The following PLAGL1 variants were observed in gnomAD, a reference collection of about 807,000 sequenced individuals.
PLAGL1 encodes the protein zinc finger protein PLAGL1.
In PLAGL1, 1 loss-of-function variant was observed where a neutral mutation model predicts 4.6. That is an observed-to-expected ratio of 0.22 (90% CI 0.08 to 1.03). The LOEUF is 1.03. Among genes scored for constraint, PLAGL1 ranks in the 50% least tolerant of loss-of-function variants. The probability of loss-of-function intolerance (pLI) is 0.58; values close to 1 mark genes in which losing one functional copy is unlikely to be tolerated. For missense variants in PLAGL1, 464 were observed against 570.4 expected (o/e 0.81, Z 1.90); for synonymous variants, 240 against 237.8 (o/e 1.01, Z -0.08).
intron 1 of PLAGL1, among the ~76,000 whole-genome samples, chr6:143,987,116 T>C (rs1789366003): frequency 1.3e-5 from 2 of 152,204 alleles, no homozygotes; most frequent in African/African-American, 4.8e-5. Flanking sequence ...ACCTTTAAAT[T>C]AAAATGCTTA....
intron 1 of PLAGL1, among the ~76,000 whole-genome samples, chr6:143,987,399 C>T (rs1351193747): frequency 7.1e-6 from 1 of 141,808 alleles, no homozygotes; most frequent in East Asian, 2.2e-4. Context: ...CCAAGATCTT[C>T]CCTGAAAGGC....
intron 1 of PLAGL1, among the ~76,000 whole-genome samples, chr6:144,031,640 G>C (rs901968960): frequency 1.3e-5 from 2 of 152,150 alleles, no homozygotes; most frequent in East Asian, 3.8e-4. Flanking sequence ...TGTTTGCTTT[G>C]TCAATGATCA....
intron 1 of PLAGL1, among the ~76,000 whole-genome samples, chr6:143,996,970 T>C (rs1212867307): frequency 6.6e-6 from 1 of 152,112 alleles, no homozygotes. Context: ...AAAGATTTCT[T>C]AAACAGGACA....
chr6:143,982,078 G>A lies in PLAGL1; in HGVS notation c.-544+3057C>T, dbSNP rs11751745. 6.9e-3 allele frequency among the ~76,000 whole-genome samples: 1,047 copies of A among 152,200 alleles called. 45 individuals are homozygous for A. The East Asian group carries it at 0.11, about 16-fold the overall frequency. On this transcript the variant is annotated intron_variant, in intron 2 of 7. Transcript: ENST00000674357. This position sits in a 1 kb window ranked among gnomAD's most constrained non-coding sequence, Gnocchi z 5.3. ...CTTGTGAAGCGCACCAATGAATTAA[G>A]CTTATCTTTGAATTAATTGTTTCTA...
At chr6:143,993,619 G>A (rs1322037332) in intron 1 of PLAGL1, among the ~76,000 whole-genome samples, 1 of 152,146 alleles carries the variant, frequency 6.6e-6, no homozygotes, top group Non-Finnish European at 1.5e-5. Flanking sequence ...TCAGGACAAG[G>A]ATAGATAATA....
intron 7 of PLAGL1, among the ~76,000 whole-genome samples, chr6:143,943,410 C>T (rs1298678412): frequency 2.0e-5 from 3 of 152,126 alleles, no homozygotes; most frequent in African/African-American, 7.2e-5. Context: ...AAGCCATGGA[C>T]ATGTAACTCT....
chr6:144,030,649 A>G (rs1796748148), intron 1 of PLAGL1, among the ~76,000 whole-genome samples: 1 of 152,212 alleles, frequency 6.6e-6, no homozygotes, highest in African/African-American at 2.4e-5. Context: ...CTCCAATTCC[A>G]TCCAGGTTGC....
At chr6:144,011,761 A>G (rs555596049), upstream of PLAGL1, among the ~76,000 whole-genome samples, 61 of 152,312 alleles carry the variant, frequency 4.0e-4, 1 homozygote, top group South Asian at 0.013. The surrounding 1 kb of genome is among the most constrained non-coding windows in gnomAD (Gnocchi z 4.3). Context: ...GAGGAACTCA[A>G]CCTTCACATC....
Position 143,995,839 on chromosome 6 carries a change from G to T in PLAGL1, c.-583-10665C>A, listed in dbSNP as rs1344349915. Among the ~76,000 whole-genome samples, 3 of 151,954 alleles carry T rather than the reference G, an allele frequency of 2.0e-5. No individual in the cohort carries two copies. The East Asian group carries it at 5.8e-4, about 29-fold the overall frequency. On this transcript the variant is annotated intron_variant, in intron 1 of 7. Transcript: ENST00000674357. This position sits in a 1 kb window ranked among gnomAD's most constrained non-coding sequence, Gnocchi z 4.4. Reference sequence around the variant, plus strand: ...ATAAAACAGAGGTTTTTGTTTCAAAGCCCAGTAATAATAAGTATTTCCATA... The same window carrying T: ...ATAAAACAGAGGTTTTTGTTTCAAATCCCAGTAATAATAAGTATTTCCATA...
intron 1 of PLAGL1, among the ~76,000 whole-genome samples, chr6:144,025,566 ACTATT>A (rs1296715091): frequency 6.6e-6 from 1 of 152,148 alleles, no homozygotes; most frequent in Non-Finnish European, 1.5e-5. Flanking sequence ...TAAATCTGAA[ACTATT>A]CTAAAGTAAA....
In PLAGL1 at chr6:144,027,234, C is replaced by CGAACGAAAGAAAGAAA. The variant is rs1263928332; in HGVS notation, c.-151+37233_-151+37234insTTTCTTTCTTTCGTTC. ...GAAAGACCCCAACTCAAAGAACGAA[C>CGAACGAAAGAAAGAAA]GAAAGAAAGAAAGAAAGAAAGAAAG... On this transcript the variant is annotated intron_variant, in intron 1 of 3. Coordinates refer to the PLAGL1 transcript ENST00000437412. The surrounding 1 kb of genome is among the most constrained non-coding windows in gnomAD (Gnocchi z 5.8). Among the ~76,000 whole-genome samples the CGAACGAAAGAAAGAAA allele has an allele frequency of 4.5e-5, 5 of 111,628 alleles. No homozygotes were observed. Among genetic ancestry groups the CGAACGAAAGAAAGAAA allele is most frequent in the East Asian group, 4.7e-4 (2 of 4,220 alleles). The allele number at this position is 111,628 out of a possible 152,430, so 73.2% of individuals were successfully genotyped here.
At chr6:144,058,262 C>T (rs1457901542) in intron 1 of PLAGL1, among the ~76,000 whole-genome samples, 1 of 152,188 alleles carries the variant, frequency 6.6e-6, no homozygotes, top group Non-Finnish European at 1.5e-5. Flanking sequence ...CAGCATCACA[C>T]ACTTTTTAAA....
chr6:144,042,223 T>C (rs1179122734), intron 1 of PLAGL1, among the ~76,000 whole-genome samples: 1 of 152,210 alleles, frequency 6.6e-6, no homozygotes, highest in Non-Finnish European at 1.5e-5. Context: ...CCATTGCTTT[T>C]GGTGTTTTAG....
In PLAGL1 at chr6:144,005,034, T is replaced by TTA. The variant is rs1337430805; in HGVS notation, c.-584+3054_-584+3055dup. On this transcript the variant is annotated intron_variant, in intron 1 of 7. Transcript: ENST00000674357. The surrounding 1 kb of genome is among the most constrained non-coding windows in gnomAD (Gnocchi z 4.6). ...TATATATAAAGTGTATGTGTATATA[T>TTA]TATATATATACACACACCTACATAC... 6.6e-6 allele frequency: 1 copy of TTA among 150,586 alleles called. No individual in the cohort carries two copies. Among genetic ancestry groups the TTA allele is most frequent in the East Asian group, 1.9e-4 (1 of 5,170 alleles). 9.3% of individuals were successfully genotyped at this position (150,586 alleles called of 1,614,324 possible).
chr6:144,062,873 C>T (rs901326519), intron 1 of PLAGL1, among the ~76,000 whole-genome samples: 1 of 152,174 alleles, frequency 6.6e-6, no homozygotes, highest in Admixed American at 6.5e-5. Context: ...ACCGGGGTTA[C>T]CATAGGGCAG....
Position 143,982,163 on chromosome 6 carries a change from A to T in PLAGL1, c.-544+2972T>A, listed in dbSNP as rs960643741. On this transcript the variant is annotated intron_variant, in intron 2 of 7. Coordinates refer to ENST00000674357, the MANE Select transcript of PLAGL1 (RefSeq NM_001317162.2). This position sits in a 1 kb window ranked among gnomAD's most constrained non-coding sequence, Gnocchi z 5.3. ...AAAATATGTATCAGATGGTGATTTT[A>T]AAAAAAAAAGTAATGAAGAGACAGG... is the stretch of plus-strand genomic sequence containing the variant. Among the ~76,000 whole-genome samples, 6 of 149,120 alleles carry T rather than the reference A, an allele frequency of 4.0e-5. No individual in the cohort carries two copies. Among genetic ancestry groups the T allele is most frequent in the Non-Finnish European group, 7.4e-5 (5 of 67,128 alleles).
Position 143,984,302 on chromosome 6 carries a change from G to T in PLAGL1, c.-544+833C>A, listed in dbSNP as rs933281415. Among the ~76,000 whole-genome samples, 3 of 152,100 alleles carry T rather than the reference G, an allele frequency of 2.0e-5. No homozygotes were observed. The highest frequency in any genetic ancestry group is 2.9e-5 in the Non-Finnish European group (2 of 67,998). ...TTTTCTGTGGAGCACCAGTTCAATG[G>T]TATATTTGGTGAGGTAGGGGTTGTA... On this transcript the variant is annotated intron_variant, in intron 2 of 7. Transcript: ENST00000674357. The surrounding 1 kb of genome is among the most constrained non-coding windows in gnomAD (Gnocchi z 5.5).
chr6:144,006,940 C>T lies in PLAGL1; in HGVS notation c.-584+1150G>A, dbSNP rs1225179277. On this transcript the variant is annotated intron_variant, in intron 1 of 7. Coordinates refer to ENST00000674357, the MANE Select transcript of PLAGL1 (RefSeq NM_001317162.2). The surrounding 1 kb of genome is among the most constrained non-coding windows in gnomAD (Gnocchi z 4.3). Reference sequence around the variant, plus strand: ...CTGAGAGACACTGATGTTCTATTCTCCGTCTGTGTTTTACAAATTCTGATC... The same window carrying T: ...CTGAGAGACACTGATGTTCTATTCTTCGTCTGTGTTTTACAAATTCTGATC... The T allele has an allele frequency of 6.6e-6, 1 of 152,108 alleles. No homozygotes were observed. The highest frequency in any genetic ancestry group is 2.4e-5 in the African/African-American group (1 of 41,426). The allele number at this position is 152,108 out of a possible 1,614,324, so 9.4% of individuals were successfully genotyped here. A position where few individuals can be genotyped will look rare whatever the true frequency, so the allele number is the denominator to read the frequency against.
chr6:143,974,590 A>C (rs1786094043), intron 2 of PLAGL1, among the ~76,000 whole-genome samples: 1 of 152,204 alleles, frequency 6.6e-6, no homozygotes, highest in Admixed American at 6.5e-5. Context: ...AGCTTGTGAC[A>C]AAAATGGTGT....
Sources: gnomAD v4.1 joint callset for allele counts (sites outside exome capture counted in the v4.1 genomes callset) on GRCh38, gnomAD v4.1.1 for gene constraint, Gnocchi (gnomAD v3.1) non-coding constraint, MANE v1.5 for transcripts, NCBI Gene and HGNC (gene_info 2026-07-23, HGNC 2026-07-21) for gene names.